The following VPS39 variants were observed in gnomAD, a reference collection of about 807,000 sequenced individuals.
The protein encoded by VPS39 is vam6/Vps39-like protein.
In VPS39, 70 loss-of-function variants were observed where a neutral mutation model predicts 121.0. The observed-to-expected ratio is 0.58, with a 90% CI of 0.48 to 0.71. The LOEUF (loss-of-function observed/expected upper bound fraction) is 0.71, where lower values mean the gene tolerates loss of function less well. Ranked by LOEUF, VPS39 falls within the 30% of genes least tolerant of loss-of-function variation. The pLI, the probability that VPS39 is intolerant of heterozygous loss-of-function variation, is 0.00. For missense variants in VPS39, 818 were observed against 1,051.5 expected (o/e 0.78, Z 3.07); for synonymous variants, 378 against 398.1 (o/e 0.95, Z 0.60).
In VPS39 at chr15:42,189,225, A is replaced by G. The variant is rs369760969; in HGVS notation, c.248-17T>C. On this transcript the variant is annotated splice_polypyrimidine_tract_variant and intron_variant, in intron 4 of 24. Coordinates refer to ENST00000318006, the MANE Select transcript of VPS39 (RefSeq NM_015289.5). ...TGTTATTTTCTGTTTGGGAGGAGGTATAACATCAGGATCAATGATCATAAT... is the reference window on the plus strand; with the variant it reads ...TGTTATTTTCTGTTTGGGAGGAGGTGTAACATCAGGATCAATGATCATAAT... The G allele has an allele frequency of 1.3e-5, 20 of 1,585,892 alleles. No individual in the cohort carries two copies. Among genetic ancestry groups the G allele is most frequent in the Non-Finnish European group, 1.5e-5 (17 of 1,154,982 alleles).
chr15:42,178,196 A>T, intron 10 of VPS39, 22 bp downstream of exon 10: 1 of 1,613,838 alleles, frequency 6.2e-7, no homozygotes, highest in Non-Finnish European at 8.5e-7. Flanking sequence ...AGGAAGGAAG[A>T]CTAGTCAGGA....
intron 11 of VPS39, among the ~76,000 whole-genome samples, chr15:42,173,411 T>C (rs150589543): frequency 2.0e-4 from 30 of 152,348 alleles, no homozygotes; most frequent in Non-Finnish European, 3.2e-4. Context: ...CAGAACAGCA[T>C]TCAATAAACA....
At chr15:42,168,543 C>CTT (rs773910224) in intron 12 of VPS39, among the ~76,000 whole-genome samples, 12 of 136,754 alleles carry the variant, frequency 8.8e-5, no homozygotes, top group East Asian at 2.1e-4. Flanking sequence ...AATACTTCTT[C>CTT]TTTTTTTTTT....
intron 1 of VPS39, among the ~76,000 whole-genome samples, chr15:42,200,870 A>G (rs957317671): frequency 6.6e-5 from 10 of 152,254 alleles, no homozygotes; most frequent in African/African-American, 1.7e-4. Context: ...TTAGCTAACA[A>G]TGAAAAGAAA....
Position 42,191,019 on chromosome 15 carries a change from G to A in VPS39, c.247+106C>T, listed in dbSNP as rs549937136. On this transcript the variant is annotated intron_variant, in intron 4 of 24. Coordinates refer to ENST00000318006, the MANE Select transcript of VPS39 (RefSeq NM_015289.5). ...CCCTGTTATACCAGGTTTGGAACACGTCAGTTCATTGTTAAGTAACCACTA... is the reference window on the plus strand; with the variant it reads ...CCCTGTTATACCAGGTTTGGAACACATCAGTTCATTGTTAAGTAACCACTA... The A allele has an allele frequency of 3.1e-4, 412 of 1,321,076 alleles. 1 individual carries two copies. The highest frequency in any genetic ancestry group is 2.1e-3 in the Middle Eastern group (9 of 4,384). The allele number at this position is 1,321,076 out of a possible 1,614,324, so 81.8% of individuals were successfully genotyped here.
At chr15:42,195,572 T>C (rs2049920129) in intron 2 of VPS39, among the ~76,000 whole-genome samples, 1 of 152,176 alleles carries the variant, frequency 6.6e-6, no homozygotes, top group South Asian at 2.1e-4. Flanking sequence ...CCATTCACAA[T>C]TGCTTCAAAG....
intron 11 of VPS39, among the ~76,000 whole-genome samples, chr15:42,171,439 G>A (rs1194835765): frequency 2.0e-5 from 3 of 152,152 alleles, no homozygotes; most frequent in Non-Finnish European, 4.4e-5. Context: ...CCAGCTCTGT[G>A]GGAACTGAGG....
chr15:42,205,878 A>C (rs2050160397), intron 1 of VPS39, among the ~76,000 whole-genome samples: 1 of 152,180 alleles, frequency 6.6e-6, no homozygotes, highest in Non-Finnish European at 1.5e-5. Context: ...TAGAACACAC[A>C]AGATTTGCTG....
chr15:42,166,940 A>C (rs916312917), intron 13 of VPS39, 27 bp from the exon 14 acceptor site: 2 of 1,612,970 alleles, frequency 1.2e-6, no homozygotes, highest in Admixed American at 1.7e-5. Flanking sequence ...AGTTCAGTGG[A>C]AACTGCTTCC....
rs2049392217 is a variant in VPS39 at position 42,173,737 on chromosome 15, G to C, written c.1076C>G (p.Ala359Gly). 1 of 1,613,992 alleles carries C rather than the reference G, an allele frequency of 6.2e-7. No homozygotes were observed. Among genetic ancestry groups the C allele is most frequent in the Admixed American group, 1.7e-5 (1 of 60,018 alleles). ...KRFDESMQVFAKLGTDPTHVM... is the reference protein window; with the variant it reads ...KRFDESMQVFGKLGTDPTHVM... The stretch of plus-strand genomic sequence containing the variant: ...CCACTTGTTACCTGTGCCAAGTTTA[G>C]CAAAGACCTGCATGGACTCATCAAA... Residue 359 changes from alanine to glycine, a missense_variant, in exon 11 of 25, where the codon GCT becomes GGT. Coordinates refer to ENST00000318006, the MANE Select transcript of VPS39 (RefSeq NM_015289.5).
rs1160345545 is a variant in VPS39 at position 42,164,362 on chromosome 15, A to G, written c.2022T>C (p.Phe674=). The G allele has an allele frequency of 3.7e-6, 6 of 1,614,064 alleles. No homozygotes were observed. In the South Asian group the frequency reaches 6.6e-5, roughly 18 times the overall value. ...DPGRLICDFP[F]DGLLEERALL... ...GGCCCTAAGCCAGACACTCACCATCAAAGGGAAAATCACAGATGAGCCGGC... is the reference window on the plus strand; with the variant it reads ...GGCCCTAAGCCAGACACTCACCATCGAAGGGAAAATCACAGATGAGCCGGC... Residue 674 remains phenylalanine (F), a synonymous_variant, in exon 19 of 25, where the codon TTT becomes TTC. Transcript: ENST00000318006.
At position 42,199,904 on chromosome 15, in the gene VPS39, T is replaced by A. The variant is rs774143581; in HGVS notation, c.131A>T (p.Lys44Met). 2.5e-6 allele frequency: 4 copies of A among 1,593,124 alleles called. No homozygotes were observed. The highest frequency in any genetic ancestry group is 3.4e-6 in the Non-Finnish European group (4 of 1,173,636). Residue 44 changes from lysine to methionine, a missense_variant, in exon 2 of 25, where the codon AAG (lysine) becomes ATG (methionine). By Grantham distance (95) the Lys-to-Met change is moderately conservative. Coordinates refer to ENST00000318006, the MANE Select transcript of VPS39 (RefSeq NM_015289.5). ...GAGCAATGTGCACTTACCAACGTCC[T>A]TCCGAATCCTATAGAGAAGAAGATG... ...QGHLLLYRIR[K>M]DVGCNRFEVT...
rs1021723722 is a variant in VPS39 at position 42,208,264 on chromosome 15, C to G, written c.-111G>C. On this transcript the variant is annotated 5_prime_UTR_variant, in exon 1 of 25. Transcript: ENST00000318006. ...AGACCGGGATCCGGCCAGGAACCCC[C>G]CGGCTACAGGCCCTTCAACAACACA... 7.2e-7 allele frequency: 1 copy of G among 1,388,564 alleles called. No individual in the cohort carries two copies. The highest frequency in any genetic ancestry group is 9.8e-7 in the Non-Finnish European group (1 of 1,019,276). 86.0% of individuals were successfully genotyped at this position (1,388,564 alleles called of 1,614,324 possible). A position where few individuals can be genotyped will look rare whatever the true frequency, so the allele number is the denominator to read the frequency against.
intron 8 of VPS39, among the ~76,000 whole-genome samples, chr15:42,180,194 G>A (rs893077579): frequency 5.9e-5 from 9 of 152,288 alleles, no homozygotes; most frequent in Admixed American, 5.2e-4. Context: ...CACAGAGAAG[G>A]TGGCTGGATG....
At chr15:42,187,503 A>G in intron 6 of VPS39, 140 bp from the exon 7 acceptor site, 1 of 798,656 alleles carries the variant, frequency 1.3e-6, no homozygotes, top group East Asian at 2.7e-5. Flanking sequence ...AGGCCAGGAA[A>G]CTACCCTTAA....
intron 7 of VPS39, among the ~76,000 whole-genome samples, chr15:42,185,429 C>T (rs943250157): frequency 3.9e-5 from 6 of 152,144 alleles, no homozygotes; most frequent in African/African-American, 7.2e-5. Context: ...GTGATCCACC[C>T]GCCACGGCCT....
intron 4 of VPS39, among the ~76,000 whole-genome samples, chr15:42,190,660 G>A (rs2049808960): frequency 6.6e-6 from 1 of 152,112 alleles, no homozygotes; most frequent in Non-Finnish European, 1.5e-5. Flanking sequence ...ATACGCTGCT[G>A]GCCTCTTTTC....
At position 42,166,812 on chromosome 15, in the gene VPS39, C is replaced by T; in HGVS notation, c.1479G>A (p.Glu493=). Residue 493 remains glutamate, a synonymous_variant, in exon 14 of 25, where the codon GAG becomes GAA. Coordinates refer to ENST00000318006, the MANE Select transcript of VPS39 (RefSeq NM_015289.5). ...HVLKKAHKYS[E]LIILYEKKGL... Reference sequence around the variant, plus strand: ...CCTTCTTCTCATACAGGATGATAAGCTCACTGTACTTGTGAGCCTTCTTTA... The same window carrying T: ...CCTTCTTCTCATACAGGATGATAAGTTCACTGTACTTGTGAGCCTTCTTTA... The T allele has an allele frequency of 6.2e-7, 1 of 1,614,232 alleles. No individual in the cohort carries two copies. Among genetic ancestry groups the T allele is most frequent in the Non-Finnish European group, 8.5e-7 (1 of 1,180,026 alleles).
chr15:42,194,784 G>A (rs1334111872), intron 2 of VPS39, among the ~76,000 whole-genome samples: 1 of 151,948 alleles, frequency 6.6e-6, no homozygotes, highest in Non-Finnish European at 1.5e-5. Context: ...ATTACACAAT[G>A]ACCATCAGTA....
Sources: allele counts gnomAD v4.1 joint callset (sites outside exome capture counted in the v4.1 genomes callset), GRCh38; gene constraint gnomAD v4.1.1; transcripts MANE v1.5; gene names NCBI Gene and HGNC (gene_info 2026-07-23, HGNC 2026-07-21).